SGCZ: variants seen among roughly 807,000 people sequenced by gnomAD.
SGCZ encodes the protein sarcoglycan zeta, also known as zeta-sarcoglycan.
In SGCZ, 40 loss-of-function variants were observed where a neutral mutation model predicts 41.3. The ratio of observed to expected loss-of-function variants is 0.97; its 90% CI spans 0.75 to 1.26. The LOEUF is 1.26. Ranked by LOEUF, SGCZ falls within the 50% of genes most tolerant of loss-of-function variation. The pLI is 0.00. For missense variants in SGCZ, 552 were observed against 369.8 expected (o/e 1.49, Z -4.04); for synonymous variants, 206 against 137.5 (o/e 1.50, Z -3.49).
intron 2 of SGCZ, among the ~76,000 whole-genome samples, chr8:14,360,277 G>C (rs931582370): frequency 6.6e-6 from 1 of 150,598 alleles, no homozygotes; most frequent in African/African-American, 2.4e-5. Flanking sequence ...TCAGAAAAGA[G>C]AAAGAAATAA....
At chr8:14,886,707 C>T (rs1479438790) in intron 1 of SGCZ, among the ~76,000 whole-genome samples, 1 of 152,148 alleles carries the variant, frequency 6.6e-6, no homozygotes, top group East Asian at 1.9e-4. Flanking sequence ...TTTAAACTCA[C>T]TGCAATGGCT....
At chr8:15,184,925 C>T (rs1800290982) in intron 1 of SGCZ, among the ~76,000 whole-genome samples, 1 of 152,126 alleles carries the variant, frequency 6.6e-6, no homozygotes, top group Admixed American at 6.5e-5. Flanking sequence ...TGCTGTCTGT[C>T]TCCTGACTGG....
chr8:14,722,633 CAA>C (rs1809923539), intron 1 of SGCZ, among the ~76,000 whole-genome samples: 1 of 149,440 alleles, frequency 6.7e-6, no homozygotes, highest in African/African-American at 2.5e-5. Flanking sequence ...AAAAGCAAGA[CAA>C]AGTGAGAGAG....
At chr8:14,712,577 C>G (rs187005577) in intron 1 of SGCZ, among the ~76,000 whole-genome samples, 1 of 152,134 alleles carries the variant, frequency 6.6e-6, no homozygotes, top group African/African-American at 2.4e-5. Context: ...AATGGTATCT[C>G]TGAGATGGAA....
At chr8:15,204,461 T>C (rs1425247050) in intron 1 of SGCZ, among the ~76,000 whole-genome samples, 1 of 152,206 alleles carries the variant, frequency 6.6e-6, no homozygotes, top group Non-Finnish European at 1.5e-5. Flanking sequence ...ATAAAACACC[T>C]ATACTTCAGT....
chr8:14,725,852 T>C (rs145285823), intron 1 of SGCZ, among the ~76,000 whole-genome samples: 6 of 152,300 alleles, frequency 3.9e-5, no homozygotes, highest in African/African-American at 1.4e-4. Flanking sequence ...ATGAAATTAC[T>C]TAAAGATGGA....
chr8:14,195,110 G>A (rs1805224809), intron 4 of SGCZ, among the ~76,000 whole-genome samples: 2 of 152,040 alleles, frequency 1.3e-5, no homozygotes, highest in Non-Finnish European at 2.9e-5. Context: ...TAACCATAAC[G>A]AGGATTTTAG....
intron 1 of SGCZ, among the ~76,000 whole-genome samples, chr8:14,586,406 G>T (rs1805059149): frequency 6.6e-6 from 1 of 152,064 alleles, no homozygotes; most frequent in Non-Finnish European, 1.5e-5. Context: ...TAGAGACAGG[G>T]TTTTTCCATG....
chr8:14,874,366 T>C (rs1170153949), intron 1 of SGCZ, among the ~76,000 whole-genome samples: 1 of 152,104 alleles, frequency 6.6e-6, no homozygotes, highest in Non-Finnish European at 1.5e-5. Context: ...GGCTCATAAT[T>C]TTTCCCTGGT....
chr8:14,343,024 T>A (rs984442883), intron 2 of SGCZ, among the ~76,000 whole-genome samples: 2 of 152,156 alleles, frequency 1.3e-5, no homozygotes, highest in Admixed American at 1.3e-4. Context: ...AAGGTACAGC[T>A]TGGGCTGTGA....
intron 1 of SGCZ, among the ~76,000 whole-genome samples, chr8:15,220,815 A>G (rs1383197280): frequency 3.9e-5 from 6 of 152,142 alleles, no homozygotes; most frequent in African/African-American, 1.4e-4. Flanking sequence ...CATATACACC[A>G]CGGAATACTA....
chr8:14,271,946 C>A (rs997867224), intron 3 of SGCZ, among the ~76,000 whole-genome samples: 1 of 152,078 alleles, frequency 6.6e-6, no homozygotes, highest in Admixed American at 6.6e-5. Flanking sequence ...GACCTAATTC[C>A]CATGGGCCAT....
chr8:14,449,624 C>A (rs1023901799), intron 2 of SGCZ, among the ~76,000 whole-genome samples: 5 of 152,142 alleles, frequency 3.3e-5, no homozygotes, highest in Non-Finnish European at 5.9e-5. Context: ...TATGAAGCAT[C>A]CTCATAGGAA....
intron 1 of SGCZ, among the ~76,000 whole-genome samples, chr8:14,733,252 A>C (rs1285450592): frequency 6.6e-6 from 1 of 152,204 alleles, no homozygotes; most frequent in African/African-American, 2.4e-5. Context: ...CACCAAAAGT[A>C]TTCAGACTAC....
chr8:14,386,142 C>G (rs537578290), intron 2 of SGCZ, among the ~76,000 whole-genome samples: 6 of 152,164 alleles, frequency 3.9e-5, no homozygotes, highest in African/African-American at 1.4e-4. Flanking sequence ...TACAGAGGCC[C>G]AACCATATTA....
At chr8:14,219,058 A>G (rs1432104128) in intron 4 of SGCZ, among the ~76,000 whole-genome samples, 1 of 152,228 alleles carries the variant, frequency 6.6e-6, no homozygotes, top group African/African-American at 2.4e-5. Flanking sequence ...CTCAGCAAAA[A>G]TTAAAAACAA....
At chr8:14,461,529 C>G (rs1216451858) in intron 2 of SGCZ, among the ~76,000 whole-genome samples, 1 of 152,070 alleles carries the variant, frequency 6.6e-6, no homozygotes, top group Non-Finnish European at 1.5e-5. Context: ...AACAAAATCT[C>G]CAGGTGATTG....
chr8:15,214,993 A>C (rs1390981787), intron 1 of SGCZ, among the ~76,000 whole-genome samples: 1 of 152,202 alleles, frequency 6.6e-6, no homozygotes, highest in Non-Finnish European at 1.5e-5. Flanking sequence ...TATTCTTCCC[A>C]CACACTCATC....
chr8:14,479,487 C>A (rs974816446), intron 2 of SGCZ, among the ~76,000 whole-genome samples: 12 of 152,136 alleles, frequency 7.9e-5, no homozygotes, highest in Non-Finnish European at 1.2e-4. Flanking sequence ...CATACCCTCA[C>A]AGACACATCT....
Sources: gnomAD v4.1 joint callset for allele counts (sites outside exome capture counted in the v4.1 genomes callset) on GRCh38, gnomAD v4.1.1 for gene constraint, MANE v1.5 for transcripts, NCBI Gene and HGNC (gene_info 2026-07-23, HGNC 2026-07-21) for gene names.